The following CSGALNACT1 variants were observed in gnomAD, a reference collection of about 807,000 sequenced individuals.
CSGALNACT1 encodes beta4GalNAcT-1.
CSGALNACT1 carries 52 observed loss-of-function variants against 51.0 expected under a neutral mutation model. That is an observed-to-expected ratio of 1.02 (90% CI 0.82 to 1.29). CSGALNACT1 has a LOEUF of 1.29. Among genes scored for constraint, CSGALNACT1 ranks in the 50% most tolerant of loss-of-function variants. The pLI, the probability that CSGALNACT1 is intolerant of heterozygous loss-of-function variation, is 0.00. For missense variants in CSGALNACT1, 935 were observed against 679.2 expected, an observed-to-expected ratio of 1.38 and a Z score of -4.19; for synonymous variants, 341 against 254.4, an observed-to-expected ratio of 1.34 and a Z score of -3.24.
At chr8:19,571,821 A>T (rs1044329651) in intron 3 of CSGALNACT1, among the ~76,000 whole-genome samples, 1 of 152,218 alleles carries the variant, frequency 6.6e-6, no homozygotes, top group Admixed American at 6.5e-5. Flanking sequence ...TTGCTATCAG[A>T]CAAGGGCTGC....
At chr8:19,664,529 C>CCT (rs2059022851) in intron 1 of CSGALNACT1, among the ~76,000 whole-genome samples, 2 of 152,110 alleles carry the variant, frequency 1.3e-5, no homozygotes, top group African/African-American at 4.8e-5. Flanking sequence ...AGACACCTGC[C>CCT]CTCCTATGTT....
chr8:19,444,623 G>C (rs563234536), intron 5 of CSGALNACT1, among the ~76,000 whole-genome samples: 12 of 152,254 alleles, frequency 7.9e-5, no homozygotes, highest in Non-Finnish European at 8.8e-5. Context: ...AAAGATCCTT[G>C]AGCTCTAAAT....
chr8:19,457,507 G>C, intron 5 of CSGALNACT1: 2 of 423,846 alleles, frequency 4.7e-6, no homozygotes, highest in Non-Finnish European at 4.4e-6. Flanking sequence ...CAGCTACTTG[G>C]GAAGCTGAGG....
At chr8:19,599,466 GAAAGAA>G (rs1288840890) in intron 2 of CSGALNACT1, among the ~76,000 whole-genome samples, 4 of 66,576 alleles carry the variant, frequency 6.0e-5, no homozygotes, top group South Asian at 5.5e-4. Context: ...AAGAAAGAAA[GAAAGAA>G]AAAGAAAGAA....
At chr8:19,567,195 A>C (rs966439235) in intron 3 of CSGALNACT1, among the ~76,000 whole-genome samples, 1 of 152,220 alleles carries the variant, frequency 6.6e-6, no homozygotes, top group African/African-American at 2.4e-5. Context: ...CAAAAACCCC[A>C]GATGTCCTGA....
chr8:19,683,776 G>A (rs74760952), upstream of CSGALNACT1, among the ~76,000 whole-genome samples: 1,027 of 152,114 alleles, frequency 6.8e-3, 5 homozygotes, highest in Middle Eastern at 0.014. Flanking sequence ...AGCTTTCATA[G>A]TGTAATAAAT....
chr8:19,716,005 T>C (rs1420279321), intron 1 of CSGALNACT1, among the ~76,000 whole-genome samples: 1 of 152,202 alleles, frequency 6.6e-6, no homozygotes, highest in Non-Finnish European at 1.5e-5. Flanking sequence ...TTGTCAGCCT[T>C]GTAGTAGGGA....
chr8:19,522,217 A>G (rs996017812), intron 3 of CSGALNACT1, among the ~76,000 whole-genome samples: 3 of 152,214 alleles, frequency 2.0e-5, no homozygotes, highest in African/African-American at 7.2e-5. Flanking sequence ...TGTGGCATGG[A>G]CATCACTTTG....
At chr8:19,620,439 T>C (rs1394716908) in intron 1 of CSGALNACT1, among the ~76,000 whole-genome samples, 1 of 151,866 alleles carries the variant, frequency 6.6e-6, no homozygotes, top group Admixed American at 6.6e-5. Context: ...TCTTTTTTTT[T>C]TTTTCTTGAG....
chr8:19,518,583 C>T (rs970903137), intron 3 of CSGALNACT1, among the ~76,000 whole-genome samples: 1 of 152,208 alleles, frequency 6.6e-6, no homozygotes, highest in East Asian at 1.9e-4. Context: ...CCACTCAGTC[C>T]TTTTTCTGCT....
At chr8:19,635,237 T>A (rs1041669546) in intron 1 of CSGALNACT1, among the ~76,000 whole-genome samples, 3 of 152,286 alleles carry the variant, frequency 2.0e-5, no homozygotes, top group Admixed American at 1.3e-4. Flanking sequence ...TGGAAAAGCC[T>A]CTGGGCACCT....
intron 1 of CSGALNACT1, among the ~76,000 whole-genome samples, chr8:19,648,793 G>A (rs1460856449): frequency 2.0e-5 from 3 of 152,148 alleles, no homozygotes; most frequent in African/African-American, 7.2e-5. Flanking sequence ...GTGACAGAGT[G>A]GGACCCTGTC....
At chr8:19,530,241 A>G (rs1353778162) in intron 3 of CSGALNACT1, among the ~76,000 whole-genome samples, 1 of 151,756 alleles carries the variant, frequency 6.6e-6, no homozygotes, top group Non-Finnish European at 1.5e-5. Context: ...ACAAAACAAA[A>G]CAAAACAAAA....
chr8:19,510,361 G>A (rs921936749), intron 3 of CSGALNACT1, among the ~76,000 whole-genome samples: 4 of 152,134 alleles, frequency 2.6e-5, no homozygotes, highest in South Asian at 2.1e-4. Flanking sequence ...GACTCACTCC[G>A]ATCTGAGACC....
chr8:19,481,241 C>T (rs564994685), intron 4 of CSGALNACT1, among the ~76,000 whole-genome samples: 5 of 152,208 alleles, frequency 3.3e-5, no homozygotes, highest in Non-Finnish European at 7.4e-5. Context: ...TTGTGCCCAT[C>T]GACCTCTGTG....
At chr8:19,616,362 C>G (rs2053006866) in intron 1 of CSGALNACT1, among the ~76,000 whole-genome samples, 1 of 152,040 alleles carries the variant, frequency 6.6e-6, no homozygotes, top group African/African-American at 2.4e-5. Context: ...GACACTCAGA[C>G]CCAGACAAAT....
intron 1 of CSGALNACT1, among the ~76,000 whole-genome samples, chr8:19,729,258 T>C (rs2063560952): frequency 6.6e-6 from 1 of 152,178 alleles, no homozygotes; most frequent in African/African-American, 2.4e-5. Context: ...GACTCTCAGC[T>C]CACTCTAATA....
chr8:19,629,337 C>G (rs566858786), intron 1 of CSGALNACT1, among the ~76,000 whole-genome samples: 19 of 152,154 alleles, frequency 1.2e-4, no homozygotes, highest in Non-Finnish European at 2.4e-4. Flanking sequence ...CAAAATGAAA[C>G]CTGTTCAGAA....
chr8:19,410,998 C>A (rs1365724242), intron 8 of CSGALNACT1, among the ~76,000 whole-genome samples: 1 of 152,212 alleles, frequency 6.6e-6, no homozygotes, highest in South Asian at 2.1e-4. Context: ...TGAAGCCCTG[C>A]AAGGGTTCCC....
Sources: gnomAD v4.1 joint callset for allele counts (sites outside exome capture counted in the v4.1 genomes callset) on GRCh38, gnomAD v4.1.1 for gene constraint, MANE v1.5 for transcripts, NCBI Gene and HGNC (gene_info 2026-07-23, HGNC 2026-07-21) for gene names.